EFHC1: variants seen among roughly 807,000 people sequenced by gnomAD.
The protein encoded by EFHC1 is EF-hand domain containing 1, also known as EF-hand domain-containing protein 1.
In EFHC1, 53 loss-of-function variants were observed where a neutral mutation model predicts 69.9. The observed-to-expected ratio is 0.76, with a 90% CI of 0.61 to 0.95. The LOEUF is 0.95. Ranked by LOEUF, EFHC1 falls within the 40% of genes least tolerant of loss-of-function variation. The probability of loss-of-function intolerance (pLI) is 0.00; values close to 1 mark genes in which losing one functional copy is unlikely to be tolerated. For missense variants in EFHC1, 739 were observed against 798.7 expected (o/e 0.93, Z 0.90); for synonymous variants, 256 against 278.4 (o/e 0.92, Z 0.80).
intron 5 of EFHC1, among the ~76,000 whole-genome samples, chr6:52,460,056 G>A (rs1425393696): frequency 6.6e-6 from 1 of 152,134 alleles, no homozygotes; most frequent in Non-Finnish European, 1.5e-5. Context: ...CAAGAGAAAG[G>A]AAAACATATG....
At chr6:52,421,239 G>A (rs1422830754) in intron 1 of EFHC1, among the ~76,000 whole-genome samples, 2 of 152,126 alleles carry the variant, frequency 1.3e-5, no homozygotes, top group Non-Finnish European at 2.9e-5. Flanking sequence ...TGCTTTGTAA[G>A]AGATATTCCT....
chr6:52,492,112 G>C (rs1490494861), intron 10 of EFHC1, among the ~76,000 whole-genome samples, 158 bp from the exon 11 acceptor site: 3 of 152,198 alleles, frequency 2.0e-5, no homozygotes, highest in Non-Finnish European at 2.9e-5. Flanking sequence ...TGTCCTACCT[G>C]CCAGGTTCAC....
chr6:52,460,448 G>A (rs1765139939), intron 5 of EFHC1, among the ~76,000 whole-genome samples: 1 of 152,064 alleles, frequency 6.6e-6, no homozygotes, highest in Admixed American at 6.6e-5. Flanking sequence ...TTGTAATGAT[G>A]GTTTCATGGG....
At chr6:52,475,743 T>C (rs1355547296) in intron 7 of EFHC1, among the ~76,000 whole-genome samples, 2 of 152,222 alleles carry the variant, frequency 1.3e-5, no homozygotes, top group African/African-American at 4.8e-5. Flanking sequence ...TCAACAAATA[T>C]TAAAGGACTA....
At chr6:52,479,390 T>A (rs1765621327) in intron 8 of EFHC1, 140 bp downstream of exon 8, 3 of 1,057,842 alleles carry the variant, frequency 2.8e-6, no homozygotes, top group Non-Finnish European at 4.3e-6. Context: ...ATATATGGTA[T>A]AATGTGTTAA....
chr6:52,479,507 G>A (rs1458640300), intron 8 of EFHC1, 133 bp from the exon 9 acceptor site: 23 of 1,385,448 alleles, frequency 1.7e-5, no homozygotes, highest in Admixed American at 1.4e-4. Context: ...TTAGTATGTC[G>A]TTTAAAGAAA....
In EFHC1 at chr6:52,467,415, A is replaced by T. The variant is rs184479667; in HGVS notation, c.1138-1918A>T. On this transcript the variant is annotated intron_variant, in intron 6 of 10. Coordinates refer to ENST00000371068, the MANE Select transcript of EFHC1 (RefSeq NM_018100.4). ...AGGCTGGTCTGGAACTCCCTACCTC[A>T]GGTGATCCACCCACCTTGGCCTCCC... Among the ~76,000 whole-genome samples the T allele has an allele frequency of 9.3e-4, 142 of 152,236 alleles. 1 individual carries two copies. The highest frequency in any genetic ancestry group is 3.3e-3 in the African/African-American group (139 of 41,536).
chr6:52,420,523 CAGG>C, intron 1 of EFHC1, 50 bp downstream of exon 1: 1 of 1,611,184 alleles, frequency 6.2e-7, no homozygotes, highest in South Asian at 1.1e-5. Flanking sequence ...TCCAGCAGCC[CAGG>C]AGGTTTCCCC....
chr6:52,494,477 C>A lies in EFHC1; in HGVS notation c.*2136C>A, dbSNP rs774966926. ...TGGGAAAGGTTAAGCGGGTAGAAACCAGAGAAAAAGGGCAAAGTCTTATTT... is the reference window on the plus strand; with the variant it reads ...TGGGAAAGGTTAAGCGGGTAGAAACAAGAGAAAAAGGGCAAAGTCTTATTT... On this transcript the variant is annotated 3_prime_UTR_variant, in exon 11 of 11. Coordinates refer to ENST00000371068, the MANE Select transcript of EFHC1 (RefSeq NM_018100.4). The A allele has an allele frequency of 2.2e-6, 1 of 454,012 alleles. No individual in the cohort carries two copies. The highest frequency in any genetic ancestry group is 1.6e-5 in the South Asian group (1 of 64,472). 28.1% of individuals were successfully genotyped at this position (454,012 alleles called of 1,614,324 possible). A position where few individuals can be genotyped will look rare whatever the true frequency, so the allele number is the denominator to read the frequency against.
In EFHC1 at chr6:52,492,698, T is replaced by G. The variant is rs1481874303; in HGVS notation, c.*357T>G. On this transcript the variant is annotated 3_prime_UTR_variant, in exon 11 of 11. Coordinates refer to ENST00000371068, the MANE Select transcript of EFHC1 (RefSeq NM_018100.4). The stretch of plus-strand genomic sequence containing the variant: ...GGCACTATCCTAGTTCTATGAAGCC[T>G]CAGACTCCTGGGCTCAAGTGATCCT... The G allele has an allele frequency of 2.3e-6, 1 of 441,338 alleles. No individual in the cohort carries two copies. Among genetic ancestry groups the G allele is most frequent in the Non-Finnish European group, 4.5e-6 (1 of 222,764 alleles). The allele number at this position is 441,338 out of a possible 1,614,324, so 27.3% of individuals were successfully genotyped here.
At chr6:52,456,064 TGAG>T (rs34643321) in intron 5 of EFHC1, among the ~76,000 whole-genome samples, 42 of 152,184 alleles carry the variant, frequency 2.8e-4, no homozygotes, top group Middle Eastern at 3.4e-3. Context: ...TGATTGCATG[TGAG>T]GAGAGGAGAA....
At chr6:52,446,084 G>T (rs1334044642) in intron 3 of EFHC1, among the ~76,000 whole-genome samples, 1 of 152,070 alleles carries the variant, frequency 6.6e-6, no homozygotes, top group Non-Finnish European at 1.5e-5. Flanking sequence ...GTCTGCTTGG[G>T]GCAGAGCTGA....
chr6:52,479,619 G>C, intron 8 of EFHC1, 21 bp from the exon 9 acceptor site: 2 of 1,614,192 alleles, frequency 1.2e-6, no homozygotes, highest in Non-Finnish European at 1.7e-6. Flanking sequence ...CAAGCTAAGT[G>C]TGTTGCTACC....
intron 7 of EFHC1, among the ~76,000 whole-genome samples, chr6:52,470,070 G>T (rs1426732111): frequency 6.6e-6 from 1 of 152,102 alleles, no homozygotes. Flanking sequence ...CATTTTATTA[G>T]AAATATGAAC....
rs1209754632 is a variant in EFHC1, at chr6:52,492,557, T to A, written c.*216T>A. 1 of 675,710 alleles carries A rather than the reference T, an allele frequency of 1.5e-6. No homozygotes were observed. Among genetic ancestry groups the A allele is most frequent in the South Asian group, 1.5e-5 (1 of 66,360 alleles). 41.9% of individuals were successfully genotyped at this position (675,710 alleles called of 1,614,324 possible). On this transcript the variant is annotated 3_prime_UTR_variant, in exon 11 of 11. Transcript: ENST00000371068. ...GATAGGGGTATAGCAATGTCTAATT[T>A]TGTGTGTCAAATTGACTTGGCCACA... is the stretch of plus-strand genomic sequence containing the variant.
intron 2 of EFHC1, among the ~76,000 whole-genome samples, chr6:52,432,963 T>C (rs1764447523): frequency 1.3e-5 from 2 of 152,014 alleles, no homozygotes; most frequent in African/African-American, 4.8e-5. Flanking sequence ...TTCTTCTGCT[T>C]GTTTGATTCT....
intron 5 of EFHC1, among the ~76,000 whole-genome samples, chr6:52,461,406 T>C (rs1765163198): frequency 6.6e-6 from 1 of 152,246 alleles, no homozygotes; most frequent in South Asian, 2.1e-4. Flanking sequence ...GATCTCATTC[T>C]TTTTTATGGC....
intron 5 of EFHC1, among the ~76,000 whole-genome samples, chr6:52,460,903 G>A (rs72923488): frequency 0.033 from 5,059 of 152,124 alleles, 96 homozygotes; most frequent in Middle Eastern, 0.054. Flanking sequence ...ACAAAAAGTC[G>A]TGAATAAAGA....
At chr6:52,472,128 CTAAAA>C (rs111743208) in intron 7 of EFHC1, among the ~76,000 whole-genome samples, 10,861 of 151,150 alleles carry the variant, frequency 0.072, 767 homozygotes, top group African/African-American at 0.18. Context: ...ACCCCTGAAC[CTAAAA>C]TAAAAGTTTA....
Sources: gnomAD v4.1 joint callset for allele counts (sites outside exome capture counted in the v4.1 genomes callset) on GRCh38, gnomAD v4.1.1 for gene constraint, MANE v1.5 for transcripts, NCBI Gene and HGNC (gene_info 2026-07-23, HGNC 2026-07-21) for gene names.